ATP13A5: variants seen among roughly 807,000 people sequenced by gnomAD.
ATP13A5 encodes the protein ATPase 13A5, also known as probable cation-transporting ATPase 13A5.
ATP13A5 carries 149 observed loss-of-function variants against 150.2 expected under a neutral mutation model. The observed-to-expected ratio is 0.99, with a 90% CI of 0.87 to 1.14. The LOEUF is 1.14. Among genes scored for constraint, ATP13A5 ranks in the 50% most tolerant of loss-of-function variants. The pLI is 0.00. For synonymous variants in ATP13A5, 497 were observed against 522.2 expected, an observed-to-expected ratio of 0.95 and a Z score of 0.66; for missense variants, 1,383 against 1,449.3, an observed-to-expected ratio of 0.95 and a Z score of 0.74.
intron 13 of ATP13A5, among the ~76,000 whole-genome samples, chr3:193,325,686 C>T (rs959766519): frequency 2.6e-5 from 4 of 152,206 alleles, no homozygotes; most frequent in Admixed American, 2.0e-4. Flanking sequence ...GCATTTTTCA[C>T]GTCTCAGCCC....
At chr3:193,367,580 A>G (rs970608166) in intron 1 of ATP13A5, among the ~76,000 whole-genome samples, 4 of 152,158 alleles carry the variant, frequency 2.6e-5, no homozygotes, top group African/African-American at 9.6e-5. Context: ...AAATAATTCT[A>G]AAATAGATTA....
At chr3:193,336,098 T>C (rs927687610) in intron 9 of ATP13A5, among the ~76,000 whole-genome samples, 1 of 152,196 alleles carries the variant, frequency 6.6e-6, no homozygotes, top group South Asian at 2.1e-4. Flanking sequence ...GGAAATAGTA[T>C]TATATCAATC....
intron 25 of ATP13A5, among the ~76,000 whole-genome samples, chr3:193,298,089 C>G (rs1224196509): frequency 6.6e-6 from 1 of 152,080 alleles, no homozygotes; most frequent in African/African-American, 2.4e-5. Flanking sequence ...TCTATGAGGA[C>G]AGTTAGCCAG....
chr3:193,289,991 A>C lies in ATP13A5; in HGVS notation c.2917T>G (p.Leu973Val). ...GAATTCAAAAATATTGAAAGCAGTA[A>C]AGGGGGAGAAAGGAGCTGTCCTGCT... ...RPAGQLLSPPLLLSIFLNSCF... is the reference protein window; with the variant it reads ...RPAGQLLSPPVLLSIFLNSCF... The change falls in exon 26 of 30, where the codon TTA (leucine) becomes GTA (valine). Residue 973 changes from leucine to valine, a missense_variant. Leu to Val is a conservative substitution (Grantham distance 32). This residue lies in a region of ATP13A5 where 568 missense variants were observed against 621.5 expected (regional missense o/e 0.91). Transcript: ENST00000342358. 1 of 1,612,962 alleles carries C rather than the reference A, an allele frequency of 6.2e-7. No homozygotes were observed.
intron 21 of ATP13A5, among the ~76,000 whole-genome samples, chr3:193,308,008 T>C (rs111438727): frequency 6.6e-6 from 1 of 152,208 alleles, no homozygotes; most frequent in African/African-American, 2.4e-5. Flanking sequence ...AGTTATACAT[T>C]ATAAGTATTG....
intron 25 of ATP13A5, among the ~76,000 whole-genome samples, chr3:193,293,848 G>T (rs547513326): frequency 5.3e-5 from 8 of 151,938 alleles, no homozygotes; most frequent in Non-Finnish European, 1.2e-4. Context: ...ACACAGATGG[G>T]GTGTACGAGA....
chr3:193,280,218 A>AT (rs974747027), intron 27 of ATP13A5, among the ~76,000 whole-genome samples: 3 of 151,352 alleles, frequency 2.0e-5, no homozygotes, highest in East Asian at 2.0e-4. Context: ...GCATGGCTAA[A>AT]TTTTTTTTGT....
At chr3:193,369,085 T>A (rs781534107) in intron 1 of ATP13A5, among the ~76,000 whole-genome samples, 2 of 151,580 alleles carry the variant, frequency 1.3e-5, no homozygotes, top group Non-Finnish European at 2.9e-5. Flanking sequence ...CTCTACAATT[T>A]TTTTTTTAAT....
chr3:193,309,535 C>A (rs999976366), intron 21 of ATP13A5, among the ~76,000 whole-genome samples: 2 of 152,152 alleles, frequency 1.3e-5, no homozygotes, highest in Non-Finnish European at 2.9e-5. Context: ...CTCCCCTGGA[C>A]GTGGGCTGGA....
At chr3:193,305,770 T>A in intron 22 of ATP13A5, 102 bp from the exon 23 acceptor site, 1 of 961,924 alleles carries the variant, frequency 1.0e-6, no homozygotes, top group Non-Finnish European at 1.6e-6. Context: ...TATAACACTG[T>A]ACTGTTTCAT....
At chr3:193,360,664 G>C (rs550894975) in intron 5 of ATP13A5, among the ~76,000 whole-genome samples, 1 of 152,202 alleles carries the variant, frequency 6.6e-6, no homozygotes, top group African/African-American at 2.4e-5. Flanking sequence ...AGATTGTCAA[G>C]TTCTATATTG....
At chr3:193,288,121 C>G (rs1055036804) in intron 26 of ATP13A5, among the ~76,000 whole-genome samples, 15 of 152,104 alleles carry the variant, frequency 9.9e-5, no homozygotes, top group African/African-American at 3.1e-4. Context: ...TGGATGAGCA[C>G]AGAAAGTGGT....
At chr3:193,325,062 A>G (rs202038835) in intron 13 of ATP13A5, 48 bp from the exon 14 acceptor site, 8 of 1,577,120 alleles carry the variant, frequency 5.1e-6, no homozygotes, top group East Asian at 4.5e-5. Flanking sequence ...CATTTTGCAC[A>G]TTCTGTCCCT....
chr3:193,320,349 T>G (rs1029788030), intron 16 of ATP13A5, among the ~76,000 whole-genome samples: 3 of 152,180 alleles, frequency 2.0e-5, no homozygotes, highest in Admixed American at 1.3e-4. Context: ...TTTCTAAAAA[T>G]GGGGTACGGT....
At chr3:193,328,034 C>G (rs1169137737) in intron 12 of ATP13A5, among the ~76,000 whole-genome samples, 3 of 152,218 alleles carry the variant, frequency 2.0e-5, no homozygotes, top group Non-Finnish European at 2.9e-5. Flanking sequence ...CATCCATTAG[C>G]ATAATGCTTT....
intron 27 of ATP13A5, among the ~76,000 whole-genome samples, chr3:193,282,203 TAATAATTA>T (rs1717527317): frequency 6.6e-6 from 1 of 151,850 alleles, no homozygotes; most frequent in South Asian, 2.1e-4. Flanking sequence ...TCAATAATAA[TAATAATTA>T]AAGTACTAGG....
At chr3:193,338,603 A>C (rs1403235416) in intron 9 of ATP13A5, among the ~76,000 whole-genome samples, 1 of 152,208 alleles carries the variant, frequency 6.6e-6, no homozygotes, top group Admixed American at 6.5e-5. Context: ...ATGGTGGATA[A>C]GCTTTTTGAT....
At chr3:193,358,043 G>A (rs1712856635) in intron 5 of ATP13A5, among the ~76,000 whole-genome samples, 1 of 152,078 alleles carries the variant, frequency 6.6e-6, no homozygotes, top group African/African-American at 2.4e-5. Flanking sequence ...GGCTCCAGGT[G>A]GTAAAGACTG....
At chr3:193,376,315 A>G (rs1437710537) in intron 1 of ATP13A5, among the ~76,000 whole-genome samples, 1 of 152,180 alleles carries the variant, frequency 6.6e-6, no homozygotes, top group Admixed American at 6.5e-5. Context: ...TGGTGCATAG[A>G]CTGCCATCTT....
Sources: allele counts gnomAD v4.1 joint callset (sites outside exome capture counted in the v4.1 genomes callset), GRCh38; gene constraint gnomAD v4.1.1; regional missense constraint gnomAD v4.1.1; transcripts MANE v1.5; gene names NCBI Gene and HGNC (gene_info 2026-07-23, HGNC 2026-07-21).